GPA33: variants seen among roughly 807,000 people sequenced by gnomAD.
GPA33 encodes glycoprotein A33.
In GPA33, 27 loss-of-function variants were observed where a neutral mutation model predicts 35.6. The observed-to-expected ratio is 0.76, with a 90% CI of 0.56 to 1.04. The LOEUF (loss-of-function observed/expected upper bound fraction) is 1.04. GPA33 is among the 50% of genes least tolerant of loss of function. GPA33 has a pLI of 0.00. For missense variants in GPA33, 428 were observed against 411.9 expected, an observed-to-expected ratio of 1.04 and a Z score of -0.34; for synonymous variants, 176 against 164.0, an observed-to-expected ratio of 1.07 and a Z score of -0.56.
rs1666654687 is a variant in GPA33 at position 167,068,908 on chromosome 1, A to T, written c.415+14T>A. 6.2e-7 allele frequency: 1 copy of T among 1,603,012 alleles called. No individual in the cohort carries two copies. ...CCTCTTCCTACAACTCCTGAAAGAC[A>T]TGAAGACACTCACCGAGGACCAACA... On this transcript the variant is annotated intron_variant, in intron 3 of 6. Coordinates refer to ENST00000367868, the MANE Select transcript of GPA33 (RefSeq NM_005814.3).
intron 1 of GPA33, among the ~76,000 whole-genome samples, chr1:167,074,992 G>A (rs943669806): frequency 5.8e-5 from 8 of 137,780 alleles, no homozygotes; most frequent in East Asian, 4.3e-4. Context: ...GCCTCCTCCC[G>A]CCAGGTTCAA....
At chr1:167,058,338 C>G (rs1395127050) in intron 4 of GPA33, 1 of 151,978 alleles carries the variant, frequency 6.6e-6, no homozygotes, top group East Asian at 1.9e-4. Context: ...CAGCTATAAA[C>G]GAGATGAGGA....
chr1:167,084,836 A>G (rs540143589), intron 1 of GPA33, among the ~76,000 whole-genome samples: 2 of 152,328 alleles, frequency 1.3e-5, no homozygotes, highest in South Asian at 2.1e-4. Context: ...AATGATTATT[A>G]TTGTTTTAAG....
chr1:167,059,826 G>A (rs1327390760), intron 4 of GPA33, among the ~76,000 whole-genome samples: 1 of 152,174 alleles, frequency 6.6e-6, no homozygotes, highest in Non-Finnish European at 1.5e-5. Flanking sequence ...CAGCTCCAAA[G>A]TGGAGAAGTC....
intron 1 of GPA33, among the ~76,000 whole-genome samples, chr1:167,074,025 A>C (rs6699306): frequency 0.068 from 10,368 of 151,482 alleles, 806 homozygotes; most frequent in African/African-American, 0.19. Flanking sequence ...GAACATTTGT[A>C]TGTGGTAAAG....
intron 4 of GPA33, among the ~76,000 whole-genome samples, chr1:167,060,526 G>A (rs767822460): frequency 3.3e-5 from 5 of 151,890 alleles, no homozygotes; most frequent in Non-Finnish European, 5.9e-5. Flanking sequence ...TCCCCATTCT[G>A]ACTCAGCAAA....
chr1:167,077,315 C>T (rs1666844099), intron 1 of GPA33, among the ~76,000 whole-genome samples: 1 of 152,174 alleles, frequency 6.6e-6, no homozygotes, highest in Non-Finnish European at 1.5e-5. Context: ...CTGCCCAGCT[C>T]CCAGCTATAG....
At chr1:167,069,254 C>A in intron 2 of GPA33, 116 bp from the exon 3 acceptor site, 1 of 644,232 alleles carries the variant, frequency 1.6e-6, no homozygotes. Flanking sequence ...ACAGACCTGC[C>A]AACCCCTCAG....
chr1:167,055,776 A>G lies in GPA33; in HGVS notation c.645T>C (p.Asn215=), dbSNP rs746693691. 14 of 1,613,300 alleles carry G rather than the reference A, an allele frequency of 8.7e-6. No individual in the cohort carries two copies. The highest frequency in any genetic ancestry group is 1.2e-5 in the Non-Finnish European group (14 of 1,179,556). ...TSGYYICTSS[N]EEGTQFCNIT... ...TGTTGCAGAACTGCGTCCCCTCCTC[A>G]TTGCTGGAGGTACAGATGTAGTAAC... Residue 215 remains asparagine, a synonymous_variant, in exon 5 of 7, where the codon AAT becomes AAC. Coordinates refer to ENST00000367868, the MANE Select transcript of GPA33 (RefSeq NM_005814.3).
chr1:167,079,517 T>G (rs972238379), intron 1 of GPA33, among the ~76,000 whole-genome samples: 1 of 151,352 alleles, frequency 6.6e-6, no homozygotes, highest in Non-Finnish European at 1.5e-5. Flanking sequence ...AAAAGAAAAC[T>G]TGCACAAATG....
chr1:167,062,642 CTTTCTTTTTTT>C (rs1226630273), intron 4 of GPA33, among the ~76,000 whole-genome samples: 5 of 69,934 alleles, frequency 7.1e-5, no homozygotes, highest in African/African-American at 2.1e-4. Flanking sequence ...TTATATAGCT[CTTTCTTTTTTT>C]TTTTTTTTTT....
intron 1 of GPA33, among the ~76,000 whole-genome samples, chr1:167,080,865 G>T (rs146492689): frequency 6.6e-6 from 1 of 152,332 alleles, no homozygotes; most frequent in African/African-American, 2.4e-5. Flanking sequence ...GACAGCAAAT[G>T]AATGAATTAT....
At chr1:167,073,776 G>A (rs538078358) in intron 1 of GPA33, among the ~76,000 whole-genome samples, 3 of 152,256 alleles carry the variant, frequency 2.0e-5, no homozygotes, top group African/African-American at 4.8e-5. Flanking sequence ...TGAATTGCCT[G>A]GCCCTGAACC....
At chr1:167,074,496 G>A (rs918705114) in intron 1 of GPA33, among the ~76,000 whole-genome samples, 16 of 152,188 alleles carry the variant, frequency 1.1e-4, no homozygotes, top group African/African-American at 3.4e-4. Context: ...GCTGAGGGGT[G>A]CAGAGTTGAG....
intron 4 of GPA33, among the ~76,000 whole-genome samples, chr1:167,060,554 A>ATAAAGCTTTCACAAAT (rs545436745): frequency 0.026 from 3,946 of 152,062 alleles, 172 homozygotes; most frequent in African/African-American, 0.09. Context: ...TAGAGACAGG[A>ATAAAGCTTTCACAAAT]TAAAGCTTTC....
At position 167,062,646 on chromosome 1, in the gene GPA33, C is replaced by CTTTTTTTTTTTT. The variant is rs768326263; in HGVS notation, c.571+924_571+935dup. Among the ~76,000 whole-genome samples, 382 of 79,950 alleles carry CTTTTTTTTTTTT rather than the reference C, an allele frequency of 4.8e-3. 11 individuals are homozygous for CTTTTTTTTTTTT. Among genetic ancestry groups the CTTTTTTTTTTTT allele is most frequent in the Admixed American group, 6.5e-3 (34 of 5,204 alleles). The allele number at this position is 79,950 out of a possible 152,430, so 52.5% of individuals were successfully genotyped here. A position where few individuals can be genotyped will look rare whatever the true frequency, so the allele number is the denominator to read the frequency against. ...TGGTAGGATTTTTATATAGCTCTTT[C>CTTTTTTTTTTTT]TTTTTTTTTTTTTTTTTTTTTCAGT... On this transcript the variant is annotated intron_variant, in intron 4 of 6. Coordinates refer to ENST00000367868, the MANE Select transcript of GPA33 (RefSeq NM_005814.3).
In GPA33 at chr1:167,054,534, C is replaced by T. The variant is rs1571299723; in HGVS notation, c.828-68G>A. On this transcript the variant is annotated intron_variant, in intron 6 of 6. Coordinates refer to ENST00000367868, the MANE Select transcript of GPA33 (RefSeq NM_005814.3). ...GTGGACCCTCAAGGGAGCTGGGCCTCATGTGCATTACAGGAAGAGCAGCCT... is the reference window on the plus strand; with the variant it reads ...GTGGACCCTCAAGGGAGCTGGGCCTTATGTGCATTACAGGAAGAGCAGCCT... The T allele has an allele frequency of 1.9e-6, 3 of 1,600,110 alleles. No individual in the cohort carries two copies. The South Asian group carries it at 3.3e-5, about 18-fold the overall frequency.
chr1:167,081,022 C>T (rs1053963815), intron 1 of GPA33, among the ~76,000 whole-genome samples: 1 of 152,146 alleles, frequency 6.6e-6, no homozygotes, highest in Non-Finnish European at 1.5e-5. Flanking sequence ...CTGCAAGATA[C>T]CTCAGCTGGA....
chr1:167,073,276 A>C, intron 2 of GPA33, 109 bp downstream of exon 2: 1 of 894,546 alleles, frequency 1.1e-6, no homozygotes, highest in Non-Finnish European at 1.8e-6. Flanking sequence ...CCTGGGTGCT[A>C]GTGTTTATTC....
Sources: allele counts gnomAD v4.1 joint callset (sites outside exome capture counted in the v4.1 genomes callset), GRCh38; gene constraint gnomAD v4.1.1; transcripts MANE v1.5; gene names NCBI Gene and HGNC (gene_info 2026-07-23, HGNC 2026-07-21).